The following OCA2 variants were observed in gnomAD, a reference collection of about 807,000 sequenced individuals.
The protein encoded by OCA2 is P protein.
OCA2 carries 77 observed loss-of-function variants against 100.2 expected under a neutral mutation model. The ratio of observed to expected loss-of-function variants is 0.77; its 90% confidence interval spans 0.64 to 0.93. The LOEUF (loss-of-function observed/expected upper bound fraction) is 0.93, where lower values mean the gene tolerates loss of function less well. OCA2 is among the 40% of genes least tolerant of loss of function. The pLI, the probability that OCA2 is intolerant of heterozygous loss-of-function variation, is 0.00. For missense variants in OCA2, 1,062 were observed against 1,089.1 expected (o/e 0.98, Z 0.35); for synonymous variants, 432 against 439.2 (o/e 0.98, Z 0.21).
At chr15:27,894,371 G>A (rs1567072110) in intron 19 of OCA2, among the ~76,000 whole-genome samples, 1 of 152,166 alleles carries the variant, frequency 6.6e-6, no homozygotes, top group Non-Finnish European at 1.5e-5. Context: ...AGGACATCCT[G>A]AAAGCTGGGA....
At chr15:27,858,133 A>G (rs1291595139) in intron 21 of OCA2, among the ~76,000 whole-genome samples, 1 of 152,150 alleles carries the variant, frequency 6.6e-6, no homozygotes, top group Non-Finnish European at 1.5e-5. Flanking sequence ...CTAATTGTAA[A>G]TGGATTAAAC....
intron 1 of OCA2, among the ~76,000 whole-genome samples, chr15:28,096,224 C>G (rs1387562950): frequency 6.8e-6 from 1 of 146,196 alleles, no homozygotes; most frequent in Non-Finnish European, 1.5e-5. Context: ...GTCTCCGGGG[C>G]GTGGTTGTGT....
chr15:27,783,458 T>C (rs1479339372), intron 23 of OCA2, among the ~76,000 whole-genome samples: 1 of 152,128 alleles, frequency 6.6e-6, no homozygotes, highest in East Asian at 1.9e-4. Context: ...AACTGCAAAT[T>C]AAAAACTTTT....
chr15:27,887,410 C>A (rs2037268183), intron 19 of OCA2, among the ~76,000 whole-genome samples: 1 of 150,990 alleles, frequency 6.6e-6, no homozygotes, highest in Non-Finnish European at 1.5e-5. Flanking sequence ...AACATGCCCC[C>A]CTGGCAAGTA....
chr15:27,919,040 T>C (rs540240758), intron 19 of OCA2, among the ~76,000 whole-genome samples: 58 of 152,284 alleles, frequency 3.8e-4, no homozygotes, highest in African/African-American at 1.3e-3. Flanking sequence ...AAATCCAACA[T>C]GATGTATAAA....
intron 18 of OCA2, among the ~76,000 whole-genome samples, chr15:27,945,467 G>A (rs754132088): frequency 2.6e-5 from 4 of 152,212 alleles, no homozygotes; most frequent in Non-Finnish European, 5.9e-5. Context: ...GGAGCTGAGG[G>A]CAGAGCACTG....
At chr15:27,882,452 C>A (rs1300658544) in intron 19 of OCA2, among the ~76,000 whole-genome samples, 1 of 152,200 alleles carries the variant, frequency 6.6e-6, no homozygotes, top group Non-Finnish European at 1.5e-5. Context: ...ACCTTTCATT[C>A]ATTTCAAGTG....
At chr15:27,894,240 C>A (rs2037591062) in intron 19 of OCA2, among the ~76,000 whole-genome samples, 1 of 152,194 alleles carries the variant, frequency 6.6e-6, no homozygotes, top group African/African-American at 2.4e-5. Context: ...CCACTCCCAC[C>A]AGAGCTTGGG....
chr15:27,990,135 C>T (rs1214498615), intron 10 of OCA2, among the ~76,000 whole-genome samples: 2 of 152,114 alleles, frequency 1.3e-5, no homozygotes, highest in Non-Finnish European at 2.9e-5. Flanking sequence ...GCCAGAGAGG[C>T]CCTGCTCAGA....
intron 2 of OCA2, among the ~76,000 whole-genome samples, chr15:28,032,697 G>A (rs1350216859): frequency 6.6e-6 from 1 of 151,428 alleles, no homozygotes; most frequent in Non-Finnish European, 1.5e-5. Context: ...TGGAGGCTGA[G>A]GCAGAGAATT....
chr15:28,052,811 A>T (rs1196523802), intron 2 of OCA2, among the ~76,000 whole-genome samples: 5 of 152,226 alleles, frequency 3.3e-5, no homozygotes, highest in African/African-American at 1.2e-4. Flanking sequence ...GAATGTTACC[A>T]ATAATTCCTC....
intron 9 of OCA2, among the ~76,000 whole-genome samples, chr15:28,009,353 A>T (rs2042173731): frequency 6.6e-6 from 1 of 152,170 alleles, no homozygotes. Flanking sequence ...AGCCCACAGA[A>T]TATTCATCAA....
intron 14 of OCA2, among the ~76,000 whole-genome samples, chr15:27,982,067 T>TTTG (rs1423599019): frequency 1.0e-5 from 1 of 98,342 alleles, no homozygotes; most frequent in Admixed American, 1.2e-4. Context: ...TTGGTTTATT[T>TTTG]TTGTTTTGTT....
chr15:27,749,466 A>T, the OCA2 span, among the ~76,000 whole-genome samples: 2 of 152,206 alleles, frequency 1.3e-5, no homozygotes, highest in African/African-American at 4.8e-5. Context: ...GAATGGCCAA[A>T]TTCTTTCTTA....
Position 27,833,333 on chromosome 15 carries a change from G to C in OCA2, c.2432+11626C>G, listed in dbSNP as rs75555670. 4.4e-3 allele frequency among the ~76,000 whole-genome samples: 676 copies of C among 152,284 alleles called. 6 individuals are homozygous for C. The highest frequency in any genetic ancestry group is 0.015 in the African/African-American group (638 of 41,552). ...ACACATGTGGAGCTGGCCACATTTG[G>C]GTCATCCATAAATGCGGAGCTGCAC... is the stretch of plus-strand genomic sequence containing the variant. On this transcript the variant is annotated intron_variant, in intron 23 of 23. Coordinates refer to ENST00000354638, the MANE Select transcript of OCA2 (RefSeq NM_000275.3).
chr15:27,853,556 T>G (rs12437881), intron 21 of OCA2, among the ~76,000 whole-genome samples: 52,598 of 149,026 alleles, frequency 0.35, 9,289 homozygotes, highest in Middle Eastern at 0.53. Context: ...ACATGTACCC[T>G]AAAACTTAAA....
intron 7 of OCA2, among the ~76,000 whole-genome samples, chr15:28,017,407 C>A (rs568645974): frequency 1.3e-5 from 2 of 152,160 alleles, no homozygotes; most frequent in Non-Finnish European, 1.5e-5. Flanking sequence ...GCAGCGGGAC[C>A]GCAGGCTGTG....
intron 16 of OCA2, among the ~76,000 whole-genome samples, chr15:27,956,740 C>T (rs1245597846): frequency 6.6e-6 from 1 of 152,198 alleles, no homozygotes; most frequent in African/African-American, 2.4e-5. Flanking sequence ...GGTCCCGGAC[C>T]GGGGATGAAG....
At chr15:27,747,744 T>C in the OCA2 span, among the ~76,000 whole-genome samples, 3 of 90,364 alleles carry the variant, frequency 3.3e-5, no homozygotes, top group Admixed American at 3.5e-4. Flanking sequence ...AGATTTAATA[T>C]CTATTAAAAA....
Sources: gnomAD v4.1 joint callset for allele counts (sites outside exome capture counted in the v4.1 genomes callset) on GRCh38, gnomAD v4.1.1 for gene constraint, MANE v1.5 for transcripts, NCBI Gene and HGNC (gene_info 2026-07-23, HGNC 2026-07-21) for gene names.